Variants in MYT1L observed in about 807,000 individuals in gnomAD.
MYT1L encodes the protein myelin transcription factor 1-like protein.
In MYT1L, 12 loss-of-function variants were observed where a neutral mutation model predicts 126.7. The ratio of observed to expected loss-of-function variants is 0.09; its 90% CI spans 0.06 to 0.15. The LOEUF (loss-of-function observed/expected upper bound fraction) is 0.15, where lower values mean the gene tolerates loss of function less well. Ranked by LOEUF, MYT1L falls within the 10% of genes least tolerant of loss-of-function variation. MYT1L has a pLI of 1.00. For synonymous variants in MYT1L, 541 were observed against 604.2 expected, an observed-to-expected ratio of 0.90 and a Z score of 1.53; for missense variants, 979 against 1,585.2, an observed-to-expected ratio of 0.62 and a Z score of 6.49.
chr2:1,967,746 G>A (rs1330006957), intron 8 of MYT1L, among the ~76,000 whole-genome samples: 1 of 152,186 alleles, frequency 6.6e-6, no homozygotes, highest in African/African-American at 2.4e-5. Flanking sequence ...GGCCAAAGAG[G>A]GGGTGTTTTG....
chr2:2,104,278 C>T (rs775228970), intron 3 of MYT1L, among the ~76,000 whole-genome samples: 5 of 152,206 alleles, frequency 3.3e-5, no homozygotes, highest in Admixed American at 2.0e-4. Flanking sequence ...AATTCTGTAA[C>T]ACATTTCACA....
At chr2:2,287,374 G>A (rs1244560528) in intron 1 of MYT1L, among the ~76,000 whole-genome samples, 1 of 152,150 alleles carries the variant, frequency 6.6e-6, no homozygotes, top group East Asian at 1.9e-4. Flanking sequence ...GTTATTTAAT[G>A]TCAGGACCAT....
chr2:2,082,114 G>C (rs1187003673), intron 3 of MYT1L, among the ~76,000 whole-genome samples: 2 of 149,758 alleles, frequency 1.3e-5, no homozygotes, highest in Non-Finnish European at 3.0e-5. Flanking sequence ...CCATCAGTAG[G>C]GCTGTTGAAA....
chr2:2,089,971 A>G (rs565194168), intron 3 of MYT1L, among the ~76,000 whole-genome samples: 40 of 152,338 alleles, frequency 2.6e-4, no homozygotes, highest in African/African-American at 9.1e-4. Context: ...CTGTCCTTCA[A>G]ACATTAAATG....
At chr2:2,306,776 G>C (rs1315919328) in intron 1 of MYT1L, among the ~76,000 whole-genome samples, 1 of 152,118 alleles carries the variant, frequency 6.6e-6, no homozygotes, top group Non-Finnish European at 1.5e-5. Context: ...CACCAACAGA[G>C]ATTTACTGAG....
intron 3 of MYT1L, among the ~76,000 whole-genome samples, chr2:2,085,419 T>C (rs541033267): frequency 6.6e-6 from 1 of 152,256 alleles, no homozygotes; most frequent in African/African-American, 2.4e-5. Flanking sequence ...CTCCAACTCT[T>C]GTTCAACTCG....
chr2:1,955,588 A>G (rs1248623458), intron 8 of MYT1L, among the ~76,000 whole-genome samples: 2 of 152,216 alleles, frequency 1.3e-5, no homozygotes, highest in South Asian at 4.1e-4. Flanking sequence ...AAAGTTGCTC[A>G]ATAGTTTAAT....
rs2062845076 is a variant in MYT1L at position 2,004,288 on chromosome 2, T to TGCGTTCTTTCCTGCAG, written c.-157-6942_-157-6941insCTGCAGGAAAGAACGC. 5.9e-5 allele frequency among the ~76,000 whole-genome samples: 3 copies of TGCGTTCTTTCCTGCAG among 50,854 alleles called. 1 individual carries two copies. Among genetic ancestry groups the TGCGTTCTTTCCTGCAG allele is most frequent in the African/African-American group, 1.3e-4 (3 of 22,472 alleles). 33.4% of individuals were successfully genotyped at this position (50,854 alleles called of 152,430 possible). A position where few individuals can be genotyped will look rare whatever the true frequency, so the allele number is the denominator to read the frequency against. The stretch of plus-strand genomic sequence containing the variant: ...TTTCCTGCAGGCGTTCTTTCCTGCA[T>TGCGTTCTTTCCTGCAG]GCGTTCTTTCCTGCATGCGTTCTTT... On this transcript the variant is annotated intron_variant, in intron 4 of 24. Transcript: ENST00000647738.
At chr2:2,058,750 A>C (rs946574132) in intron 3 of MYT1L, among the ~76,000 whole-genome samples, 4 of 152,196 alleles carry the variant, frequency 2.6e-5, no homozygotes, top group Non-Finnish European at 5.9e-5. Flanking sequence ...TTTTAAATCC[A>C]TTATTCTCTT....
intron 21 of MYT1L, chr2:1,809,735 T>G (rs2036288534): frequency 6.6e-6 from 1 of 152,590 alleles, no homozygotes; most frequent in Non-Finnish European, 1.5e-5. Flanking sequence ...TTTTAGCCAG[T>G]TTTCTAGTAT....
At chr2:1,991,410 C>T (rs1057238169) in intron 5 of MYT1L, among the ~76,000 whole-genome samples, 3 of 152,148 alleles carry the variant, frequency 2.0e-5, no homozygotes, top group Non-Finnish European at 4.4e-5. Flanking sequence ...TGGCCTTTCC[C>T]CTCAGCCCCT....
chr2:2,120,260 C>T (rs2080809723), intron 3 of MYT1L, among the ~76,000 whole-genome samples: 1 of 152,140 alleles, frequency 6.6e-6, no homozygotes, highest in Non-Finnish European at 1.5e-5. Flanking sequence ...GCTGCCCTTG[C>T]AAGCTCAGCT....
chr2:2,279,196 A>C (rs1176535856), intron 2 of MYT1L, among the ~76,000 whole-genome samples: 1 of 152,252 alleles, frequency 6.6e-6, no homozygotes. Flanking sequence ...GCCACTATGA[A>C]GTTCTGGGTA....
intron 2 of MYT1L, among the ~76,000 whole-genome samples, chr2:2,279,344 T>G (rs901892085): frequency 1.3e-5 from 2 of 148,216 alleles, no homozygotes; most frequent in African/African-American, 5.0e-5. Flanking sequence ...TTCTTACATA[T>G]CAAAGAAGTA....
intron 2 of MYT1L, among the ~76,000 whole-genome samples, chr2:2,196,530 T>C (rs1015677096): frequency 2.6e-5 from 4 of 151,308 alleles, no homozygotes; most frequent in Non-Finnish European, 5.9e-5. Context: ...TATATCCATA[T>C]ATCACATTAT....
intron 1 of MYT1L, among the ~76,000 whole-genome samples, chr2:2,305,733 G>A (rs930184535): frequency 1.3e-5 from 2 of 152,174 alleles, no homozygotes; most frequent in African/African-American, 4.8e-5. Context: ...GGGGAAGCAG[G>A]TGCATCTTCA....
chr2:1,824,785 G>A (rs965201870), intron 21 of MYT1L: 2 of 152,250 alleles, frequency 1.3e-5, no homozygotes, highest in Admixed American at 1.3e-4. Flanking sequence ...TGCATAATTT[G>A]TTCTTCTTAT....
chr2:1,841,162 C>CTTTTT, intron 19 of MYT1L: 1 of 86,126 alleles, frequency 1.2e-5, no homozygotes, highest in Non-Finnish European at 2.2e-5. Flanking sequence ...ACCTCGGCCT[C>CTTTTT]TTTTTTTTTT....
chr2:2,019,928 T>C (rs1313051636), intron 4 of MYT1L, among the ~76,000 whole-genome samples: 2 of 152,224 alleles, frequency 1.3e-5, no homozygotes, highest in Non-Finnish European at 2.9e-5. Flanking sequence ...CGCTGCAACC[T>C]CTGCCTCCTG....
Sources: allele counts gnomAD v4.1 joint callset (sites outside exome capture counted in the v4.1 genomes callset), GRCh38; gene constraint gnomAD v4.1.1; transcripts MANE v1.5; gene names NCBI Gene and HGNC (gene_info 2026-07-23, HGNC 2026-07-21).